Variants in FLOT1 observed in about 807,000 individuals in gnomAD.
FLOT1 encodes flotillin 1.
FLOT1 carries 40 observed loss-of-function variants against 58.4 expected under a neutral mutation model. The observed-to-expected ratio is 0.69, with a 90% CI of 0.53 to 0.89. The LOEUF is 0.89. Ranked by LOEUF, FLOT1 falls within the 40% of genes least tolerant of loss-of-function variation. FLOT1 has a pLI of 0.00. For missense variants in FLOT1, 423 were observed against 540.8 expected (o/e 0.78, Z 2.16); for synonymous variants, 178 against 204.2 (o/e 0.87, Z 1.09).
Position 30,739,647 on chromosome 6 carries a change from C to A in FLOT1, c.723+511G>T, listed in dbSNP as rs569420177. ...CCTACCAAAGTGCTGGGATTACAGG[C>A]ATGAGCCACCGCGCGTGGCCTTTTT... On this transcript the variant is annotated intron_variant, in intron 8 of 12. Transcript: ENST00000376389. Among the ~76,000 whole-genome samples the A allele has an allele frequency of 1.8e-3, 274 of 152,124 alleles. 1 individual carries two copies. The highest frequency in any genetic ancestry group is 1.3e-3 in the Non-Finnish European group (89 of 68,004).
chr6:30,740,946 C>G lies in FLOT1; in HGVS notation c.355-148G>C, dbSNP rs944344720. The G allele has an allele frequency of 1.7e-5, 21 of 1,251,900 alleles. No individual in the cohort carries two copies. The African/African-American group carries it at 2.4e-4, about 15-fold the overall frequency. 77.5% of individuals were successfully genotyped at this position (1,251,900 alleles called of 1,614,324 possible). On this transcript the variant is annotated intron_variant, in intron 5 of 12. Coordinates refer to ENST00000376389, the MANE Select transcript of FLOT1 (RefSeq NM_005803.4). The stretch of plus-strand genomic sequence containing the variant: ...GGATTACCGACACCCATCACCATAC[C>G]CAGCTAATTTTTGTATTTGTAGTAG...
Position 30,741,894 on chromosome 6 carries a change from G to A in FLOT1, c.44-27C>T, listed in dbSNP as rs368949084. On this transcript the variant is annotated intron_variant, in intron 2 of 12. Transcript: ENST00000376389. The surrounding 1 kb of genome is among the most constrained non-coding windows in gnomAD (Gnocchi z 5.9). Reference sequence around the variant, plus strand: ...TGCAAGGTGTGGGGCAGTGAGGAACGGTGGCAGAGCTTGAATGTGGAAGAC... The same window carrying A: ...TGCAAGGTGTGGGGCAGTGAGGAACAGTGGCAGAGCTTGAATGTGGAAGAC... 6.2e-7 allele frequency: 1 copy of A among 1,604,026 alleles called. No homozygotes were observed. Among genetic ancestry groups the A allele is most frequent in the Non-Finnish European group, 8.5e-7 (1 of 1,173,178 alleles).
At chr6:30,735,732 C>A (rs886411688) in intron 8 of FLOT1, among the ~76,000 whole-genome samples, 2 of 152,160 alleles carry the variant, frequency 1.3e-5, no homozygotes, top group Non-Finnish European at 2.9e-5. Flanking sequence ...CAGTGAGGGG[C>A]TCTGAGAAGG....
Position 30,740,259 on chromosome 6 carries a change from C to T in FLOT1, c.622G>A (p.Glu208Lys), listed in dbSNP as rs140411480. 6 of 1,612,838 alleles carry T rather than the reference C, an allele frequency of 3.7e-6. No homozygotes were observed. The highest frequency in any genetic ancestry group is 1.3e-5 in the African/African-American group (1 of 74,890). Residue 208 changes from glutamate (E) to lysine (K), a missense_variant, in exon 8 of 13, where the codon GAG becomes AAG. Transcript: ENST00000376389. ...KVSAQYLSEI[E>K]MAKAQRDYEL... ...TAATCTCTCTGTGCCTTGGCCATCT[C>T]GATCTCACTCAGGTACTGAGCAGAC...
rs767850153 is a variant in FLOT1, at chr6:30,741,818, G to T, written c.93C>A (p.Val31=). 2.5e-6 allele frequency: 4 copies of T among 1,613,034 alleles called. No individual in the cohort carries two copies. The highest frequency in any genetic ancestry group is 1.7e-4 in the Middle Eastern group (1 of 6,006). ...PVMVAGGRVF[V]LPCIQQIQRI... ...TCTGGATCTGTTGGATGCAGGGCAG[G>T]ACAAAGACACGCCCTCCAGCCACCA... The change falls in exon 3 of 13, where the codon GTC becomes GTA. Residue 31 remains valine (V), a synonymous_variant. Coordinates refer to ENST00000376389, the MANE Select transcript of FLOT1 (RefSeq NM_005803.4). This position sits in a 1 kb window ranked among gnomAD's most constrained non-coding sequence, Gnocchi z 5.9.
chr6:30,731,485 CAAAAAAAAA>C (rs35667527), intron 8 of FLOT1, among the ~76,000 whole-genome samples: 1 of 83,788 alleles, frequency 1.2e-5, no homozygotes, highest in African/African-American at 4.8e-5. Flanking sequence ...ACTCCATCTC[CAAAAAAAAA>C]AAAAAAAAAA....
In FLOT1 at chr6:30,742,143, T is replaced by C; in HGVS notation, c.43+4A>G. The C allele has an allele frequency of 6.2e-7, 1 of 1,612,574 alleles. No homozygotes were observed. Among genetic ancestry groups the C allele is most frequent in the South Asian group, 1.1e-5 (1 of 91,082 alleles). ...CTGGCTGGGAAGGGAACAACAGTAC[T>C]TACCGGAGACCACCATGGCCTCATT... On this transcript the variant is annotated splice_donor_region_variant and intron_variant, in intron 2 of 12. Coordinates refer to ENST00000376389, the MANE Select transcript of FLOT1 (RefSeq NM_005803.4). The surrounding 1 kb of genome is among the most constrained non-coding windows in gnomAD (Gnocchi z 5.2).
At position 30,742,126 on chromosome 6, in the gene FLOT1, G is replaced by A; in HGVS notation, c.43+21C>T. The A allele has an allele frequency of 6.2e-7, 1 of 1,611,774 alleles. No individual in the cohort carries two copies. The highest frequency in any genetic ancestry group is 8.5e-7 in the Non-Finnish European group (1 of 1,179,288). ...CAGGGGTTCTGGGGTCACTGGCTGG[G>A]AAGGGAACAACAGTACTTACCGGAG... On this transcript the variant is annotated intron_variant, in intron 2 of 12. Transcript: ENST00000376389. The surrounding 1 kb of genome is among the most constrained non-coding windows in gnomAD (Gnocchi z 5.2).
chr6:30,742,529 T>G lies in FLOT1; in HGVS notation c.-17A>C. On this transcript the variant is annotated splice_region_variant and 5_prime_UTR_variant, in exon 1 of 13. Coordinates refer to ENST00000376389, the MANE Select transcript of FLOT1 (RefSeq NM_005803.4). The surrounding 1 kb of genome is among the most constrained non-coding windows in gnomAD (Gnocchi z 5.2). ...TCCATCTCCCCTCCCCCACTCACCTTCCGGGACGCGGGCGGCAGCCCGGCT... is the reference window on the plus strand; with the variant it reads ...TCCATCTCCCCTCCCCCACTCACCTGCCGGGACGCGGGCGGCAGCCCGGCT... 1 of 319,872 alleles carries G rather than the reference T, an allele frequency of 3.1e-6. No homozygotes were observed. Among genetic ancestry groups the G allele is most frequent in the Non-Finnish European group, 5.8e-6 (1 of 171,292 alleles). The allele number at this position is 319,872 out of a possible 1,614,324, so 19.8% of individuals were successfully genotyped here. A position where few individuals can be genotyped will look rare whatever the true frequency, so the allele number is the denominator to read the frequency against.
chr6:30,734,730 C>T (rs1478307294), intron 8 of FLOT1, among the ~76,000 whole-genome samples: 1 of 151,784 alleles, frequency 6.6e-6, no homozygotes, highest in Non-Finnish European at 1.5e-5. Flanking sequence ...TTCTTGGTTG[C>T]TCCCAAATCT....
chr6:30,734,128 C>T (rs980853136), intron 8 of FLOT1, among the ~76,000 whole-genome samples: 52 of 146,758 alleles, frequency 3.5e-4, no homozygotes, highest in Non-Finnish European at 7.3e-4. Flanking sequence ...TCTCTAGAAG[C>T]TTTCATATTT....
Position 30,742,342 on chromosome 6 carries a change from G to A in FLOT1, c.-14-139C>T. 2 of 699,058 alleles carry A rather than the reference G, an allele frequency of 2.9e-6. No homozygotes were observed. The highest frequency in any genetic ancestry group is 5.1e-6 in the Non-Finnish European group (2 of 394,034). 43.3% of individuals were successfully genotyped at this position (699,058 alleles called of 1,614,324 possible). ...CCGTCCCTTCTACACCCATGGGTCC[G>A]CTAAGGCTTTTCCCTACAAAATCCT... On this transcript the variant is annotated intron_variant, in intron 1 of 12. Coordinates refer to ENST00000376389, the MANE Select transcript of FLOT1 (RefSeq NM_005803.4). The surrounding 1 kb of genome is among the most constrained non-coding windows in gnomAD (Gnocchi z 5.2).
chr6:30,730,333 C>A, intron 11 of FLOT1, 95 bp downstream of exon 11: 1 of 1,501,928 alleles, frequency 6.7e-7, no homozygotes, highest in Non-Finnish European at 9.0e-7. Flanking sequence ...TTTAGAGTCC[C>A]CCTAGGCTGT....
intron 8 of FLOT1, among the ~76,000 whole-genome samples, chr6:30,735,174 G>C (rs1002297206): frequency 3.9e-5 from 6 of 152,082 alleles, no homozygotes; most frequent in Admixed American, 3.3e-4. Flanking sequence ...GGGGTTGAGG[G>C]GGTTGGGGTT....
At position 30,741,326 on chromosome 6, in the gene FLOT1, A is replaced by T; in HGVS notation, c.218T>A (p.Ile73Asn). The T allele has an allele frequency of 6.2e-7, 1 of 1,612,948 alleles. No homozygotes were observed. Residue 73 changes from isoleucine (I) to asparagine (N), a missense_variant, in exon 5 of 13, where the codon ATC (isoleucine) becomes AAC (asparagine). Around this residue, in one of 6 missense-constraint regions of FLOT1, gnomAD observed 91 missense variants for 118.3 expected, o/e 0.77. Coordinates refer to ENST00000376389, the MANE Select transcript of FLOT1 (RefSeq NM_005803.4). The surrounding 1 kb of genome is among the most constrained non-coding windows in gnomAD (Gnocchi z 5.9). ...ISVTGIAQVK[I>N]QGQNKEMLAA... is the part of the protein sequence containing the mutation. ...CAACATCTCCTTGTTCTGCCCCTGGATTTTTACCTGTAGCCAGAGTAGGGG... is the reference window on the plus strand; with the variant it reads ...CAACATCTCCTTGTTCTGCCCCTGGTTTTTTACCTGTAGCCAGAGTAGGGG...
In FLOT1 at chr6:30,737,236, CCGT is replaced by C. The variant is rs1777649641; in HGVS notation, c.723+2919_723+2921del. Among the ~76,000 whole-genome samples the C allele has an allele frequency of 1.3e-5, 2 of 148,312 alleles. No homozygotes were observed. The highest frequency in any genetic ancestry group is 3.0e-5 in the Non-Finnish European group (2 of 67,480). On this transcript the variant is annotated intron_variant, in intron 8 of 12. Transcript: ENST00000376389. The surrounding 1 kb of genome is among the most constrained non-coding windows in gnomAD (Gnocchi z 4.4). ...TCCGTCCGTCCGTCCGTCCGTCCGTCCGTCCGTCCGTCCATCCGTCCATCCATC... is the reference window on the plus strand; with the variant it reads ...TCCGTCCGTCCGTCCGTCCGTCCGTCCCGTCCGTCCATCCGTCCATCCATC...
chr6:30,730,124 G>A lies in FLOT1; in HGVS notation c.1152C>T (p.Gly384=). Residue 384 remains glycine, a synonymous_variant, in exon 12 of 13, where the codon GGC becomes GGT. Transcript: ENST00000376389. ...SANKITLVSS[G]SGTMGAAKVT... Reference sequence around the variant, plus strand: ...CTTTGGCTGCCCCCATGGTCCCACTGCCGCTGGACACCAGTGTGATCTTAT... The same window carrying A: ...CTTTGGCTGCCCCCATGGTCCCACTACCGCTGGACACCAGTGTGATCTTAT... 1 of 1,613,028 alleles carries A rather than the reference G, an allele frequency of 6.2e-7. No homozygotes were observed. Among genetic ancestry groups the A allele is most frequent in the Non-Finnish European group, 8.5e-7 (1 of 1,180,000 alleles).
At position 30,741,474 on chromosome 6, in the gene FLOT1, G is replaced by A; in HGVS notation, c.210+140C>T. 1 of 1,316,638 alleles carries A rather than the reference G, an allele frequency of 7.6e-7. No individual in the cohort carries two copies. The highest frequency in any genetic ancestry group is 1.1e-6 in the Non-Finnish European group (1 of 929,286). The allele number at this position is 1,316,638 out of a possible 1,614,324, so 81.6% of individuals were successfully genotyped here. A position where few individuals can be genotyped will look rare whatever the true frequency, so the allele number is the denominator to read the frequency against. On this transcript the variant is annotated intron_variant, in intron 4 of 12. Transcript: ENST00000376389. This position sits in a 1 kb window ranked among gnomAD's most constrained non-coding sequence, Gnocchi z 5.9. Reference sequence around the variant, plus strand: ...AGGAGGAGGAGGCAAGTGCCTTGGGGTGCCTGGAAAAGATGAGACTAGCAG... The same window carrying A: ...AGGAGGAGGAGGCAAGTGCCTTGGGATGCCTGGAAAAGATGAGACTAGCAG...
rs1173646371 is a variant in FLOT1 at position 30,737,551 on chromosome 6, C to T, written c.723+2607G>A. 6.6e-6 allele frequency among the ~76,000 whole-genome samples: 1 copy of T among 152,152 alleles called. No individual in the cohort carries two copies. The highest frequency in any genetic ancestry group is 1.9e-4 in the East Asian group (1 of 5,188). ...GGGATTACAGGCATGAACCACCGCG[C>T]CCAGCCACTTTTTAAGTATGACTAC... On this transcript the variant is annotated intron_variant, in intron 8 of 12. Coordinates refer to ENST00000376389, the MANE Select transcript of FLOT1 (RefSeq NM_005803.4). This position sits in a 1 kb window ranked among gnomAD's most constrained non-coding sequence, Gnocchi z 4.4.
Sources: gnomAD v4.1 joint callset for allele counts (sites outside exome capture counted in the v4.1 genomes callset) on GRCh38, gnomAD v4.1.1 for gene constraint, gnomAD v4.1.1 regional missense constraint, Gnocchi (gnomAD v3.1) non-coding constraint, MANE v1.5 for transcripts, NCBI Gene and HGNC (gene_info 2026-07-23, HGNC 2026-07-21) for gene names.